The following IL1RAPL1 variants were observed in gnomAD, a reference collection of about 807,000 sequenced individuals.
The protein encoded by IL1RAPL1 is interleukin-1 receptor accessory protein-like 1.
In IL1RAPL1, 3 loss-of-function variants were observed where a neutral mutation model predicts 48.4. The ratio of observed to expected loss-of-function variants is 0.06; its 90% CI spans 0.03 to 0.16. The LOEUF (loss-of-function observed/expected upper bound fraction) is 0.16, where lower values mean the gene tolerates loss of function less well. Among genes scored for constraint, IL1RAPL1 ranks in the 10% least tolerant of loss-of-function variants. The pLI is 1.00. For missense variants in IL1RAPL1, 349 were observed against 530.6 expected (o/e 0.66, Z 3.36); for synonymous variants, 185 against 187.7 (o/e 0.99, Z 0.12).
chrX:29,154,619 C>G (rs1268771449), intron 2 of IL1RAPL1, among the ~76,000 whole-genome samples: 1 of 111,110 alleles, frequency 9.0e-6, no homozygotes, highest in Non-Finnish European at 1.9e-5. Context: ...ATAATTTATA[C>G]TATTTTTTCT....
intron 2 of IL1RAPL1, among the ~76,000 whole-genome samples, chrX:29,207,082 G>C (rs978074522): frequency 3.6e-5 from 4 of 111,277 alleles, no homozygotes; most frequent in Admixed American, 9.6e-5. Flanking sequence ...GTGGGGGCAG[G>C]GGGGAGGATT....
chrX:29,586,510 T>G (rs183481296), intron 5 of IL1RAPL1, among the ~76,000 whole-genome samples: 1 of 112,054 alleles, frequency 8.9e-6, no homozygotes, highest in African/African-American at 3.2e-5. Context: ...CAAGACTGAT[T>G]TCATCGTTTA....
chrX:29,052,643 G>A (rs1262641656), intron 2 of IL1RAPL1, among the ~76,000 whole-genome samples: 2 of 105,945 alleles, frequency 1.9e-5, no homozygotes, highest in African/African-American at 3.5e-5. Context: ...CAGATTACAC[G>A]TGTAAGTGAG....
At chrX:29,868,092 A>G (rs758090552) in intron 6 of IL1RAPL1, among the ~76,000 whole-genome samples, 4 of 112,221 alleles carry the variant, frequency 3.6e-5, no homozygotes, top group African/African-American at 1.3e-4. Context: ...CAAATTCCCC[A>G]GTGACCTACT....
At chrX:28,685,400 C>T (rs775580687) in intron 1 of IL1RAPL1, among the ~76,000 whole-genome samples, 2 of 112,429 alleles carry the variant, frequency 1.8e-5, no homozygotes, top group Non-Finnish European at 3.8e-5. Context: ...TAACAATACT[C>T]TTTTCTCTGG....
At chrX:29,205,475 G>A (rs1242396991) in intron 2 of IL1RAPL1, among the ~76,000 whole-genome samples, 1 of 110,756 alleles carries the variant, frequency 9.0e-6, no homozygotes, top group East Asian at 2.9e-4. Flanking sequence ...GCTACATTTT[G>A]CATAATCAGT....
chrX:29,941,462 T>C (rs1933126031), intron 8 of IL1RAPL1, among the ~76,000 whole-genome samples, 189 bp from the exon 9 acceptor site: 1 of 112,136 alleles, frequency 8.9e-6, no homozygotes, highest in African/African-American at 3.2e-5. Flanking sequence ...CCACCTTATC[T>C]AGTTACCAAG....
chrX:29,427,183 C>G (rs750637885), intron 5 of IL1RAPL1, among the ~76,000 whole-genome samples: 2 of 111,404 alleles, frequency 1.8e-5, no homozygotes, highest in Non-Finnish European at 3.8e-5. Flanking sequence ...TTAAGTGTTC[C>G]TGTCTGAAAT....
intron 3 of IL1RAPL1, among the ~76,000 whole-genome samples, chrX:29,361,475 T>C (rs925738645): frequency 9.0e-6 from 1 of 110,763 alleles, no homozygotes; most frequent in African/African-American, 3.3e-5. Context: ...TTCCATAAAT[T>C]ACATCTGGCC....
chrX:29,412,714 C>T (rs753060679), intron 5 of IL1RAPL1, among the ~76,000 whole-genome samples: 22 of 111,956 alleles, frequency 2.0e-4, no homozygotes, highest in Non-Finnish European at 4.1e-4. Flanking sequence ...GGGAAACACA[C>T]AAGACCAAGC....
At chrX:29,188,836 C>G (rs973454230) in intron 2 of IL1RAPL1, among the ~76,000 whole-genome samples, 1 of 110,998 alleles carries the variant, frequency 9.0e-6, no homozygotes, top group African/African-American at 3.3e-5. Context: ...CTACCAGCTT[C>G]GGCCTCAATG....
chrX:29,265,621 C>T lies in IL1RAPL1; in HGVS notation c.83-17317C>T, dbSNP rs200603087. ...TATCTCCTAATGCTATCCCTCCCCCCTCCCCCCACCCCACAACAGTCCCCA... is the reference window on the plus strand; with the variant it reads ...TATCTCCTAATGCTATCCCTCCCCCTTCCCCCCACCCCACAACAGTCCCCA... On this transcript the variant is annotated intron_variant, in intron 2 of 10. Transcript: ENST00000378993. 1.6e-3 allele frequency among the ~76,000 whole-genome samples: 107 copies of T among 65,983 alleles called. 1 individual carries two copies. The East Asian group carries it at 0.047, about 29-fold the overall frequency. 57.3% of individuals were successfully genotyped at this position (65,983 alleles called of 115,157 possible).
intron 2 of IL1RAPL1, among the ~76,000 whole-genome samples, chrX:28,817,120 T>C (rs1240802832): frequency 3.6e-5 from 4 of 110,997 alleles, no homozygotes; most frequent in Non-Finnish European, 7.6e-5. Context: ...CTGATAGCTC[T>C]TCATGAAACT....
intron 2 of IL1RAPL1, among the ~76,000 whole-genome samples, chrX:28,815,442 C>T (rs1010097972): frequency 2.3e-4 from 25 of 109,894 alleles, no homozygotes; most frequent in Non-Finnish European, 3.2e-4. Context: ...AAATATTTAT[C>T]CTTTCTTTAC....
Position 29,193,747 on chromosome X carries a change from G to T in IL1RAPL1, c.83-89191G>T, listed in dbSNP as rs189169684. On this transcript the variant is annotated intron_variant, in intron 2 of 10. Coordinates refer to ENST00000378993, the MANE Select transcript of IL1RAPL1 (RefSeq NM_014271.4). The stretch of plus-strand genomic sequence containing the variant: ...ATGATACATATAATAAAATTGTAAA[G>T]AATTAATACACACATAGGCAAATAA... Among the ~76,000 whole-genome samples, 5 of 111,228 alleles carry T rather than the reference G, an allele frequency of 4.5e-5. No homozygotes were observed. The Admixed American group carries it at 4.8e-4, about 11-fold the overall frequency.
Position 29,479,665 on chromosome X carries a change from C to T in IL1RAPL1, c.703+80357C>T, listed in dbSNP as rs373613805. Among the ~76,000 whole-genome samples, 51 of 109,290 alleles carry T rather than the reference C, an allele frequency of 4.7e-4. 1 individual carries two copies. The South Asian group carries it at 0.018, about 39-fold the overall frequency. 94.9% of individuals were successfully genotyped at this position (109,290 alleles called of 115,157 possible). The stretch of plus-strand genomic sequence containing the variant: ...ATAATGTAGTCTTTTATCCCTCACC[C>T]GCCTCCCAACGTTCCCCCCCAGTCC... On this transcript the variant is annotated intron_variant, in intron 5 of 10. Transcript: ENST00000378993.
rs1015563600 is a variant in IL1RAPL1 at position 29,505,051 on chromosome X, A to G, written c.703+105743A>G. On this transcript the variant is annotated intron_variant, in intron 5 of 10. Transcript: ENST00000378993. ...ATGAGGCTTATGAAACATAATTATA[A>G]CATTCTTTTGAAGAGACGACAACTT... Among the ~76,000 whole-genome samples, 5 of 111,921 alleles carry G rather than the reference A, an allele frequency of 4.5e-5. No homozygotes were observed. In the East Asian group the frequency reaches 1.1e-3, roughly 25 times the overall value.
intron 2 of IL1RAPL1, among the ~76,000 whole-genome samples, chrX:29,079,538 T>C (rs1421370104): frequency 2.7e-5 from 3 of 109,288 alleles, no homozygotes; most frequent in Non-Finnish European, 5.7e-5. Context: ...TTTTATATGG[T>C]AGAGCTAAGG....
chrX:28,704,123 A>T (rs1006286904), intron 1 of IL1RAPL1, among the ~76,000 whole-genome samples: 1 of 112,013 alleles, frequency 8.9e-6, no homozygotes, highest in South Asian at 3.7e-4. Context: ...TATTCCATAC[A>T]TATAGATTCT....
Sources: allele counts gnomAD v4.1 joint callset (sites outside exome capture counted in the v4.1 genomes callset), GRCh38; gene constraint gnomAD v4.1.1; transcripts MANE v1.5; gene names NCBI Gene and HGNC (gene_info 2026-07-23, HGNC 2026-07-21).